MAST4: variants seen among roughly 807,000 people sequenced by gnomAD.
MAST4 encodes microtubule associated serine/threonine kinase family member 4.
A neutral mutation model predicts 162.7 loss-of-function variants in MAST4; 89 were observed. The ratio of observed to expected loss-of-function variants is 0.55; its 90% confidence interval spans 0.46 to 0.65. The LOEUF is 0.65. Among genes scored for constraint, MAST4 ranks in the 30% least tolerant of loss-of-function variants. MAST4 has a pLI of 0.00. For synonymous variants in MAST4, 1,479 were observed against 1,361.1 expected, an observed-to-expected ratio of 1.09 and a Z score of -1.91; for missense variants, 3,153 against 3,374.0, an observed-to-expected ratio of 0.93 and a Z score of 1.62.
intron 3 of MAST4, among the ~76,000 whole-genome samples, chr5:66,802,072 A>C (rs1048975414): frequency 1.3e-5 from 2 of 152,204 alleles, no homozygotes; most frequent in African/African-American, 4.8e-5. Flanking sequence ...TTTCATTTAA[A>C]TAAGCCCTCT....
intron 3 of MAST4, among the ~76,000 whole-genome samples, chr5:66,886,881 CT>C: frequency 6.6e-6 from 1 of 151,560 alleles, no homozygotes; most frequent in Middle Eastern, 3.4e-3. Context: ...TTTCTTAAGA[CT>C]TAAAAATAAG....
At chr5:66,955,972 GT>G (rs111420654) in intron 4 of MAST4, among the ~76,000 whole-genome samples, 47 of 145,030 alleles carry the variant, frequency 3.2e-4, no homozygotes, top group Middle Eastern at 3.5e-3. Flanking sequence ...GTCTTTTAAG[GT>G]TTTTTTTTTT....
intron 4 of MAST4, among the ~76,000 whole-genome samples, chr5:66,988,506 T>TAAA (rs1749748219): frequency 6.6e-6 from 1 of 152,214 alleles, no homozygotes; most frequent in East Asian, 1.9e-4. Flanking sequence ...TTAGACACTG[T>TAAA]TTTAAATACT....
intron 23 of MAST4, among the ~76,000 whole-genome samples, chr5:67,147,178 T>TC (rs1336628403): frequency 6.6e-6 from 1 of 151,844 alleles, no homozygotes. Flanking sequence ...TCTCTCTCTC[T>TC]CCCCCATACG....
intron 1 of MAST4, among the ~76,000 whole-genome samples, chr5:66,753,149 G>A (rs550404753): frequency 6.6e-6 from 1 of 152,072 alleles, no homozygotes; most frequent in East Asian, 1.9e-4. Flanking sequence ...CGCATTCAAA[G>A]CAGTGTGTAG....
chr5:66,810,217 G>A (rs930624520), intron 3 of MAST4, among the ~76,000 whole-genome samples: 1 of 152,190 alleles, frequency 6.6e-6, no homozygotes, highest in African/African-American at 2.4e-5. Context: ...GGATGCCTTA[G>A]AGTGTGTTGT....
At chr5:66,648,443 G>A (rs1324476816) in intron 1 of MAST4, among the ~76,000 whole-genome samples, 1 of 152,066 alleles carries the variant, frequency 6.6e-6, no homozygotes, top group Non-Finnish European at 1.5e-5. Context: ...TTATATTTTG[G>A]TTTTTATACT....
At chr5:67,086,112 T>C (rs1427363101) in intron 5 of MAST4, among the ~76,000 whole-genome samples, 3 of 152,178 alleles carry the variant, frequency 2.0e-5, no homozygotes, top group Admixed American at 6.5e-5. Flanking sequence ...AAGGGGATCA[T>C]CAAGTAATGA....
intron 1 of MAST4, among the ~76,000 whole-genome samples, chr5:66,604,814 C>T (rs926743209): frequency 1.3e-5 from 2 of 152,192 alleles, no homozygotes; most frequent in African/African-American, 4.8e-5. Context: ...GATGTACTTG[C>T]TGCAATGCAG....
chr5:66,740,924 G>A (rs1230067400), intron 1 of MAST4, among the ~76,000 whole-genome samples: 1 of 152,180 alleles, frequency 6.6e-6, no homozygotes, highest in African/African-American at 2.4e-5. Flanking sequence ...GTGAAATGGG[G>A]ATGATAATAC....
chr5:66,732,113 G>A (rs1013570593), intron 1 of MAST4, among the ~76,000 whole-genome samples: 5 of 151,872 alleles, frequency 3.3e-5, no homozygotes, highest in Non-Finnish European at 7.4e-5. Flanking sequence ...ACTACTGCTT[G>A]TGTGGTCTTT....
At chr5:66,933,249 T>C (rs1212800401) in intron 4 of MAST4, among the ~76,000 whole-genome samples, 3 of 152,206 alleles carry the variant, frequency 2.0e-5, no homozygotes, top group Non-Finnish European at 4.4e-5. Context: ...CTCTAGTAAA[T>C]ATTTCAGTGG....
chr5:66,609,547 G>A (rs138035553), intron 1 of MAST4, among the ~76,000 whole-genome samples: 9 of 150,656 alleles, frequency 6.0e-5, no homozygotes, highest in Non-Finnish European at 1.2e-4. Flanking sequence ...ATACTACCAC[G>A]GCCAGCTAAT....
chr5:66,676,497 C>A lies in MAST4; in HGVS notation c.363+79479C>A, dbSNP rs145763814. On this transcript the variant is annotated intron_variant, in intron 1 of 28. Coordinates refer to ENST00000403625, the MANE Select transcript of MAST4 (RefSeq NM_001164664.2). ...ACAAGGCTATTGAAAATTTTAATAT[C>A]TTCATGGGGTTAGTGAAAGACTCAG... Among the ~76,000 whole-genome samples the A allele has an allele frequency of 6.8e-3, 1,035 of 152,260 alleles. 2 individuals are homozygous for A. The highest frequency in any genetic ancestry group is 0.03 in the South Asian group (145 of 4,820).
chr5:67,009,500 A>G (rs1023965112), intron 4 of MAST4, among the ~76,000 whole-genome samples: 4 of 152,220 alleles, frequency 2.6e-5, no homozygotes, highest in Admixed American at 2.6e-4. Flanking sequence ...GAGATTGGTT[A>G]TGTTAACTTT....
chr5:67,078,927 T>TAAATAA (rs1554093935), intron 5 of MAST4, among the ~76,000 whole-genome samples: 3 of 84,298 alleles, frequency 3.6e-5, no homozygotes, highest in African/African-American at 1.8e-4. Flanking sequence ...TATATATATA[T>TAAATAA]ATATATATAT....
chr5:66,960,886 G>T (rs1046521477), intron 4 of MAST4, among the ~76,000 whole-genome samples: 13 of 152,088 alleles, frequency 8.5e-5, no homozygotes, highest in African/African-American at 3.1e-4. Context: ...CCTTGCCAGC[G>T]TCGACACAGG....
At chr5:67,107,054 A>G (rs2150885375) in intron 10 of MAST4, among the ~76,000 whole-genome samples, 1 of 152,352 alleles carries the variant, frequency 6.6e-6, no homozygotes, top group South Asian at 2.1e-4. Context: ...TATGTTTGCT[A>G]AATGGTGCAC....
intron 4 of MAST4, chr5:67,004,912 C>G (rs998215920): frequency 1.5e-5 from 10 of 689,018 alleles, no homozygotes; most frequent in Non-Finnish European, 2.7e-5. Context: ...TTATTTTTGG[C>G]CTTGTCTTTC....
Sources: allele counts gnomAD v4.1 joint callset (sites outside exome capture counted in the v4.1 genomes callset), GRCh38; gene constraint gnomAD v4.1.1; transcripts MANE v1.5; gene names NCBI Gene and HGNC (gene_info 2026-07-23, HGNC 2026-07-21).